PACS1: variants seen among roughly 807,000 people sequenced by gnomAD.
The protein encoded by PACS1 is PACS-1.
Under a neutral mutation model 115.0 loss-of-function variants are expected in PACS1, and 24 were observed. That is an observed-to-expected ratio of 0.21 (90% CI 0.15 to 0.29). The LOEUF is 0.29. PACS1 is among the 10% of genes least tolerant of loss of function. PACS1 has a pLI of 1.00. For synonymous variants in PACS1, 453 were observed against 504.5 expected (o/e 0.90, Z 1.37); for missense variants, 838 against 1,251.2 (o/e 0.67, Z 4.98).
intron 1 of PACS1, among the ~76,000 whole-genome samples, chr11:66,169,023 G>A (rs577063415): frequency 1.5e-4 from 22 of 150,194 alleles, no homozygotes; most frequent in Non-Finnish European, 2.6e-4. Context: ...TACTGAGCTG[G>A]TCTTTTTTTG....
At chr11:66,229,887 G>A (rs868286227) in intron 11 of PACS1, among the ~76,000 whole-genome samples, 225 of 151,808 alleles carry the variant, frequency 1.5e-3, no homozygotes, top group African/African-American at 5.2e-3. Context: ...CGGAGGTTGC[G>A]GTGAGCCAAG....
intron 1 of PACS1, among the ~76,000 whole-genome samples, chr11:66,183,354 T>C (rs10896091): frequency 0.21 from 31,205 of 152,136 alleles, 3,283 homozygotes; most frequent in Middle Eastern, 0.28. Context: ...ATGTTTTTAC[T>C]CTCACAAAGG....
chr11:66,090,271 C>CTTT (rs930565654), intron 1 of PACS1, among the ~76,000 whole-genome samples: 19 of 109,430 alleles, frequency 1.7e-4, no homozygotes, highest in African/African-American at 4.2e-4. Context: ...TCTTTCCTTT[C>CTTT]TTTTTTTTTT....
chr11:66,233,489 T>C lies in PACS1; in HGVS notation c.1839-296T>C, dbSNP rs1855641815. On this transcript the variant is annotated intron_variant, in intron 15 of 23. Coordinates refer to ENST00000320580, the MANE Select transcript of PACS1 (RefSeq NM_018026.4). This position sits in a 1 kb window ranked among gnomAD's most constrained non-coding sequence, Gnocchi z 4.5. ...CCCTTGCCCTTGTGAAAGAGAACTA[T>C]GGATTCCAGGCCTGGGGGCACACAC... Among the ~76,000 whole-genome samples, 1 of 152,224 alleles carries C rather than the reference T, an allele frequency of 6.6e-6. No individual in the cohort carries two copies. The highest frequency in any genetic ancestry group is 6.5e-5 in the Admixed American group (1 of 15,284).
chr11:66,179,628 T>C (rs1026634972), intron 1 of PACS1, among the ~76,000 whole-genome samples: 1 of 152,208 alleles, frequency 6.6e-6, no homozygotes, highest in Non-Finnish European at 1.5e-5. Flanking sequence ...GTTTCTGTTA[T>C]CTCTTTGGAC....
intron 8 of PACS1, chr11:66,220,263 C>A: frequency 3.4e-6 from 1 of 298,284 alleles, no homozygotes; most frequent in Admixed American, 4.7e-5. Flanking sequence ...TTTCCACAGG[C>A]CTCTCAGTGG....
chr11:66,118,635 A>G (rs148073541), intron 1 of PACS1, among the ~76,000 whole-genome samples: 1 of 151,052 alleles, frequency 6.6e-6, no homozygotes, highest in African/African-American at 2.4e-5. Flanking sequence ...AATAAAAAGG[A>G]TATTTTCTAG....
Position 66,202,742 on chromosome 11 carries a change from A to AAAAAAAAAAAATATAT in PACS1, c.445-7619_445-7618insAAAAAAAAAATATATA, listed in dbSNP as rs1200930188. On this transcript the variant is annotated intron_variant, in intron 2 of 23. Transcript: ENST00000320580. ...CATCTCTAGGAAAAAAAAAAAAAAA[A>AAAAAAAAAAAATATAT]ATATATATATATATATATATATATA... is the stretch of plus-strand genomic sequence containing the variant. Among the ~76,000 whole-genome samples, 3 of 71,608 alleles carry AAAAAAAAAAAATATAT rather than the reference A, an allele frequency of 4.2e-5. 1 individual carries two copies. Among genetic ancestry groups the AAAAAAAAAAAATATAT allele is most frequent in the African/African-American group, 2.4e-4 (3 of 12,584 alleles). The allele number at this position is 71,608 out of a possible 152,430, so 47.0% of individuals were successfully genotyped here.
chr11:66,200,320 C>A (rs1360120219), intron 2 of PACS1, among the ~76,000 whole-genome samples: 1 of 152,102 alleles, frequency 6.6e-6, no homozygotes, highest in African/African-American at 2.4e-5. Flanking sequence ...CAGTACACTC[C>A]ACCTTGGGCA....
intron 1 of PACS1, among the ~76,000 whole-genome samples, chr11:66,072,399 C>T (rs564160763): frequency 6.6e-6 from 1 of 152,182 alleles, no homozygotes; most frequent in East Asian, 1.9e-4. Flanking sequence ...AGGTTGTATT[C>T]ATATGGAGGG....
At chr11:66,154,519 A>G (rs1037066801) in intron 1 of PACS1, among the ~76,000 whole-genome samples, 9 of 152,224 alleles carry the variant, frequency 5.9e-5, no homozygotes, top group Non-Finnish European at 5.9e-5. Context: ...CTGTAAGAAT[A>G]CAAGGTCAGT....
In PACS1 at chr11:66,193,442, A is replaced by G. The variant is rs780704460; in HGVS notation, c.357-44A>G. The G allele has an allele frequency of 5.9e-6, 8 of 1,366,858 alleles. No individual in the cohort carries two copies. The South Asian group carries it at 9.4e-5, about 16-fold the overall frequency. 84.7% of individuals were successfully genotyped at this position (1,366,858 alleles called of 1,614,324 possible). A position where few individuals can be genotyped will look rare whatever the true frequency, so the allele number is the denominator to read the frequency against. ...ACCAATTGTTCATCACTTTTCTCGC[A>G]AGTTCCTCGCATATGACAGCATCTT... On this transcript the variant is annotated intron_variant, in intron 1 of 23. Coordinates refer to ENST00000320580, the MANE Select transcript of PACS1 (RefSeq NM_018026.4).
chr11:66,080,368 A>G (rs945381357), intron 1 of PACS1, among the ~76,000 whole-genome samples: 6 of 152,090 alleles, frequency 3.9e-5, no homozygotes, highest in Admixed American at 3.9e-4. Flanking sequence ...TCTGTGATAA[A>G]TGGTCAGATA....
chr11:66,215,804 G>A lies in PACS1; in HGVS notation c.661-315G>A, dbSNP rs918667923. Among the ~76,000 whole-genome samples the A allele has an allele frequency of 1.6e-4, 24 of 151,744 alleles. 1 individual carries two copies. The highest frequency in any genetic ancestry group is 1.5e-5 in the Non-Finnish European group (1 of 67,978). The stretch of plus-strand genomic sequence containing the variant: ...AATCCCAGCTACTTGGGAGCCTGAG[G>A]CAGGAGAATCGCTTGAACCTGGGAG... On this transcript the variant is annotated intron_variant, in intron 4 of 23. Transcript: ENST00000320580.
At chr11:66,204,965 A>C (rs996882303) in intron 2 of PACS1, among the ~76,000 whole-genome samples, 1 of 151,990 alleles carries the variant, frequency 6.6e-6, no homozygotes, top group African/African-American at 2.4e-5. Context: ...ACCATAGTGA[A>C]ACCCCATCTC....
intron 1 of PACS1, among the ~76,000 whole-genome samples, chr11:66,117,841 A>G (rs1858339210): frequency 6.6e-6 from 1 of 152,070 alleles, no homozygotes; most frequent in African/African-American, 2.4e-5. Flanking sequence ...GTGAAATGCC[A>G]TCTCAAAAAA....
intron 1 of PACS1, among the ~76,000 whole-genome samples, chr11:66,128,756 C>T (rs531649690): frequency 3.3e-5 from 5 of 151,906 alleles, no homozygotes; most frequent in East Asian, 1.9e-4. Flanking sequence ...TAGTGACATG[C>T]GCCTGTAATC....
Position 66,216,681 on chromosome 11 carries a change from C to T in PACS1, c.898-14C>T, listed in dbSNP as rs367929542. 6.2e-7 allele frequency: 1 copy of T among 1,613,112 alleles called. No homozygotes were observed. The highest frequency in any genetic ancestry group is 1.3e-5 in the African/African-American group (1 of 74,894). On this transcript the variant is annotated splice_polypyrimidine_tract_variant and intron_variant, in intron 6 of 23. Transcript: ENST00000320580. ...GGGGTTTCCCACCCTCATTCTGTCC[C>T]TGTACCCACTTAGGACTTGTTCTAC...
intron 2 of PACS1, among the ~76,000 whole-genome samples, chr11:66,199,130 A>G (rs1229999461): frequency 6.6e-6 from 1 of 152,130 alleles, no homozygotes; most frequent in African/African-American, 2.4e-5. Flanking sequence ...CCTGGCTAAC[A>G]TGGTGAAACC....
Sources: allele counts gnomAD v4.1 joint callset (sites outside exome capture counted in the v4.1 genomes callset), GRCh38; gene constraint gnomAD v4.1.1; non-coding constraint Gnocchi (gnomAD v3.1); transcripts MANE v1.5; gene names NCBI Gene and HGNC (gene_info 2026-07-23, HGNC 2026-07-21).